Variants in SYTL2 observed in about 807,000 individuals in gnomAD.
SYTL2 encodes synaptotagmin-like protein 2.
In SYTL2, 165 loss-of-function variants were observed where a neutral mutation model predicts 198.7. The ratio of observed to expected loss-of-function variants is 0.83; its 90% CI spans 0.73 to 0.94. The LOEUF is 0.94. Ranked by LOEUF, SYTL2 falls within the 40% of genes least tolerant of loss-of-function variation. The pLI is 0.00. For synonymous variants in SYTL2, 966 were observed against 917.7 expected, an observed-to-expected ratio of 1.05 and a Z score of -0.95; for missense variants, 2,835 against 2,582.8, an observed-to-expected ratio of 1.10 and a Z score of -2.12.
intron 4 of SYTL2, among the ~76,000 whole-genome samples, chr11:85,738,357 G>C (rs906636479): frequency 6.6e-6 from 1 of 152,012 alleles, no homozygotes; most frequent in Non-Finnish European, 1.5e-5. Context: ...TCCTTTCATT[G>C]TTCCAGAAAG....
At position 85,727,308 on chromosome 11, in the gene SYTL2, G is replaced by T; in HGVS notation, c.2050C>A (p.Pro684Thr). ...LKESDAENQVPCNTNNIGNLG... is the reference protein window; with the variant it reads ...LKESDAENQVTCNTNNIGNLG... The stretch of plus-strand genomic sequence containing the variant: ...TTGCCAATATTATTAGTGTTGCATG[G>T]AACTTGGTTTTCTGCATCAGATTCC... Residue 684 changes from proline to threonine, a missense_variant, in exon 8 of 20, where the codon CCA becomes ACA. By Grantham distance (38) the Pro-to-Thr change is conservative (BLOSUM62 -1). Around this residue, in one of 3 missense-constraint regions of SYTL2, gnomAD observed 2,645 missense variants for 2,381.7 expected, o/e 1.11. Transcript: ENST00000359152. 6.5e-7 allele frequency: 1 copy of T among 1,535,748 alleles called. No individual in the cohort carries two copies. The highest frequency in any genetic ancestry group is 1.2e-5 in the South Asian group (1 of 83,918).
chr11:85,789,340 G>GTA (rs56956411), intron 1 of SYTL2, among the ~76,000 whole-genome samples: 142 of 62,472 alleles, frequency 2.3e-3, no homozygotes, highest in East Asian at 5.9e-3. Context: ...GTGTGTGTGT[G>GTA]TATATATATA....
chr11:85,733,803 G>A, intron 7 of SYTL2, 136 bp downstream of exon 7: 1 of 682,966 alleles, frequency 1.5e-6, no homozygotes, highest in Non-Finnish European at 2.5e-6. Context: ...GTTTCACCTT[G>A]TTAGCCAGGA....
the SYTL2 span, among the ~76,000 whole-genome samples, chr11:85,825,706 G>A: frequency 6.6e-6 from 1 of 152,160 alleles, no homozygotes; most frequent in African/African-American, 2.4e-5. Flanking sequence ...TCAAGAAAAA[G>A]GTGCATGAGA....
At position 85,725,892 on chromosome 11, in the gene SYTL2, G is replaced by T. The variant is rs1365801274; in HGVS notation, c.3466C>A (p.His1156Asn). The T allele has an allele frequency of 1.9e-6, 3 of 1,613,696 alleles. No homozygotes were observed. The African/African-American group carries it at 4.0e-5, about 22-fold the overall frequency. Residue 1156 changes from histidine to asparagine, a missense_variant, in exon 8 of 20, where the codon CAT becomes AAT. This residue lies in a region of SYTL2 where 2,645 missense variants were observed against 2,381.7 expected (regional missense o/e 1.11). Transcript: ENST00000359152. ...CTTGGTTCAAGCACTTGTTTTCCAT[G>T]AACTTTTCCACCAGAGGGTTGAATT... is the stretch of plus-strand genomic sequence containing the variant. ...PAIQPSGGKVHGKQVLEPSVS... is the reference protein window; with the variant it reads ...PAIQPSGGKVNGKQVLEPSVS...
chr11:85,710,787 G>C (rs993203856), intron 13 of SYTL2, among the ~76,000 whole-genome samples: 1 of 152,138 alleles, frequency 6.6e-6, no homozygotes, highest in Non-Finnish European at 1.5e-5. Flanking sequence ...AAGCATATCT[G>C]ATACAAGCAG....
intron 1 of SYTL2, among the ~76,000 whole-genome samples, chr11:85,793,253 G>T (rs7949207): frequency 0.42 from 62,801 of 150,596 alleles, 13,688 homozygotes; most frequent in African/African-American, 0.54. Flanking sequence ...CAACAGTGTA[G>T]AAGTGTTCCT....
the SYTL2 span, among the ~76,000 whole-genome samples, chr11:85,833,355 T>C: frequency 6.8e-6 from 1 of 147,782 alleles, no homozygotes; most frequent in South Asian, 2.1e-4. Context: ...ATATACACGA[T>C]ATATATATGA....
chr11:85,759,613 G>A (rs1027882962), intron 1 of SYTL2, among the ~76,000 whole-genome samples: 2 of 152,090 alleles, frequency 1.3e-5, no homozygotes, highest in African/African-American at 4.8e-5. Context: ...ACTATACTTA[G>A]TAATATATTT....
chr11:85,723,675 A>G (rs538697923), intron 8 of SYTL2, among the ~76,000 whole-genome samples: 7 of 152,332 alleles, frequency 4.6e-5, no homozygotes, highest in Admixed American at 2.0e-4. Flanking sequence ...TTGAAACCTA[A>G]AAGTTCTATA....
chr11:85,697,459 C>T (rs756053859), intron 18 of SYTL2, among the ~76,000 whole-genome samples: 2 of 152,150 alleles, frequency 1.3e-5, no homozygotes, highest in Admixed American at 1.3e-4. Context: ...TTACTAGATG[C>T]CAGTCACTTT....
At chr11:85,719,059 A>C (rs1019930114) in intron 9 of SYTL2, 5 of 1,512,750 alleles carry the variant, frequency 3.3e-6, no homozygotes, top group African/African-American at 1.4e-5. Context: ...GATGCAGCTC[A>C]CATCACTGCT....
At position 85,694,845 on chromosome 11, in the gene SYTL2, TG is replaced by T. The variant is rs2083204372; in HGVS notation, c.*349del. 1 of 166,540 alleles carries T rather than the reference TG, an allele frequency of 6.0e-6. No individual in the cohort carries two copies. Among genetic ancestry groups the T allele is most frequent in the Admixed American group, 6.1e-5 (1 of 16,450 alleles). The allele number at this position is 166,540 out of a possible 1,614,324, so 10.3% of individuals were successfully genotyped here. A position where few individuals can be genotyped will look rare whatever the true frequency, so the allele number is the denominator to read the frequency against. ...GACCCTCTTAACTGTGGCACAGAAT[TG>T]TGGTGTGAAACACATGATGGCAAAC... On this transcript the variant is annotated 3_prime_UTR_variant, in exon 20 of 20. Transcript: ENST00000359152.
chr11:85,852,374 C>G, the SYTL2 span, among the ~76,000 whole-genome samples: 2 of 151,938 alleles, frequency 1.3e-5, no homozygotes, highest in Non-Finnish European at 2.9e-5. Flanking sequence ...CTCTCCCTCT[C>G]CCCACGGTCT....
chr11:85,832,083 G>A, the SYTL2 span, among the ~76,000 whole-genome samples: 2 of 152,160 alleles, frequency 1.3e-5, 1 homozygote, highest in Non-Finnish European at 2.9e-5. Context: ...AAATGCTACA[G>A]GAGTATGCTG....
At chr11:85,823,341 G>A in the SYTL2 span, among the ~76,000 whole-genome samples, 37 of 152,180 alleles carry the variant, frequency 2.4e-4, no homozygotes, top group Admixed American at 2.4e-3. Context: ...AGTACATGTT[G>A]CCGGCTGACA....
chr11:85,705,564 T>A (rs188225903), intron 15 of SYTL2, among the ~76,000 whole-genome samples: 1 of 152,136 alleles, frequency 6.6e-6, no homozygotes, highest in Admixed American at 6.5e-5. Flanking sequence ...AATAAATAAA[T>A]AAATAAACTT....
At position 85,757,944 on chromosome 11, in the gene SYTL2, G is replaced by A. The variant is rs1361124242; in HGVS notation, c.-219C>T. ...TGAGGAAGTCCTGGTCTGTGGGATA[G>A]TGTCGAGAAGAGGCTCTCAGAAGGA... On this transcript the variant is annotated 5_prime_UTR_variant, in exon 2 of 20. Coordinates refer to ENST00000359152, the MANE Select transcript of SYTL2 (RefSeq NM_206927.4). The A allele has an allele frequency of 1.8e-6, 1 of 550,438 alleles. No homozygotes were observed. The highest frequency in any genetic ancestry group is 3.2e-6 in the Non-Finnish European group (1 of 314,582). The allele number at this position is 550,438 out of a possible 1,614,324, so 34.1% of individuals were successfully genotyped here.
intron 1 of SYTL2, among the ~76,000 whole-genome samples, chr11:85,810,085 GCCCCACCGGGCTTCCTCTGCACAT>G (rs1415868671): frequency 6.6e-6 from 1 of 152,180 alleles, no homozygotes; most frequent in African/African-American, 2.4e-5. Flanking sequence ...TCTGTCTGAA[GCCCCACCGGGCTTCCTCTGCACAT>G]CCCTGCCGGG....
Sources: gnomAD v4.1 joint callset for allele counts (sites outside exome capture counted in the v4.1 genomes callset) on GRCh38, gnomAD v4.1.1 for gene constraint, gnomAD v4.1.1 regional missense constraint, MANE v1.5 for transcripts, NCBI Gene and HGNC (gene_info 2026-07-23, HGNC 2026-07-21) for gene names.